LRMDA: variants seen among roughly 807,000 people sequenced by gnomAD.
LRMDA encodes the protein leucine-rich melanocyte differentiation-associated protein.
LRMDA carries 18 observed loss-of-function variants against 29.8 expected under a neutral mutation model. The observed-to-expected ratio is 0.60, with a 90% confidence interval of 0.42 to 0.90. The LOEUF is 0.90. Among genes scored for constraint, LRMDA ranks in the 40% least tolerant of loss-of-function variants. The pLI is 0.00. For missense variants in LRMDA, 273 were observed against 273.9 expected (o/e 1.00, Z 0.02); for synonymous variants, 125 against 109.4 (o/e 1.14, Z -0.89).
Position 75,528,462 on chromosome 10 carries a change from T to C in LRMDA, c.131+89968T>C, listed in dbSNP as rs1043226225. Among the ~76,000 whole-genome samples the C allele has an allele frequency of 3.3e-5, 5 of 152,238 alleles. 1 individual carries two copies. Among genetic ancestry groups the C allele is most frequent in the Admixed American group, 3.3e-4 (5 of 15,288 alleles). ...GGATTTTGGGACATTCTTCACCCAATGCTCTTTGCCTCCTTGGCTGTTACG... is the reference window on the plus strand; with the variant it reads ...GGATTTTGGGACATTCTTCACCCAACGCTCTTTGCCTCCTTGGCTGTTACG... On this transcript the variant is annotated intron_variant, in intron 2 of 6. Coordinates refer to ENST00000611255, the MANE Select transcript of LRMDA (RefSeq NM_001305581.2).
At chr10:75,595,998 G>A (rs564678448) in intron 2 of LRMDA, among the ~76,000 whole-genome samples, 1 of 152,222 alleles carries the variant, frequency 6.6e-6, no homozygotes, top group African/African-American at 2.4e-5. Flanking sequence ...ATGATGATCT[G>A]CTTTTTTTCG....
intron 6 of LRMDA, among the ~76,000 whole-genome samples, chr10:76,457,191 C>T (rs1417395837): frequency 3.9e-5 from 6 of 152,172 alleles, no homozygotes; most frequent in East Asian, 3.8e-4. Context: ...TTCAACTTTT[C>T]GAAGTTTAAT....
chr10:76,555,467 A>C (rs1174079434), intron 6 of LRMDA, among the ~76,000 whole-genome samples: 1 of 152,136 alleles, frequency 6.6e-6, no homozygotes, highest in Non-Finnish European at 1.5e-5. Context: ...AAAACTAATG[A>C]GAGTGAGCCC....
At chr10:76,301,538 G>A (rs1840480147) in intron 5 of LRMDA, among the ~76,000 whole-genome samples, 1 of 152,126 alleles carries the variant, frequency 6.6e-6, no homozygotes, top group African/African-American at 2.4e-5. Flanking sequence ...AGGAAAAATT[G>A]CCAAAGTATA....
chr10:76,246,125 C>T (rs1351818270), intron 5 of LRMDA, among the ~76,000 whole-genome samples: 1 of 152,158 alleles, frequency 6.6e-6, no homozygotes, highest in East Asian at 1.9e-4. Context: ...GGGCTTCCAG[C>T]AGTGAGCCAG....
At chr10:76,544,659 C>T (rs774907133) in intron 6 of LRMDA, among the ~76,000 whole-genome samples, 4 of 151,922 alleles carry the variant, frequency 2.6e-5, no homozygotes, top group East Asian at 1.9e-4. Context: ...CCTTAACCTA[C>T]AGTTTCTTGC....
rs376526267 is a variant in LRMDA, at chr10:75,833,952, C to T, written c.132-202056C>T. Among the ~76,000 whole-genome samples the T allele has an allele frequency of 3.3e-5, 5 of 152,124 alleles. No individual in the cohort carries two copies. The East Asian group carries it at 5.8e-4, about 18-fold the overall frequency. On this transcript the variant is annotated intron_variant, in intron 2 of 6. Coordinates refer to ENST00000611255, the MANE Select transcript of LRMDA (RefSeq NM_001305581.2). ...AGGACCCGGGAATAATTCTGTGTGG[C>T]TTGAGGACCTGCGCTCTGGATTTGA...
chr10:75,653,319 T>C lies in LRMDA; in HGVS notation c.131+214825T>C, dbSNP rs185516999. On this transcript the variant is annotated intron_variant, in intron 2 of 6. Coordinates refer to ENST00000611255, the MANE Select transcript of LRMDA (RefSeq NM_001305581.2). ...CTTTGCCTTGTTAGTTCTCATATAATGTGCTGCAGAAACTGCTAATTGTCA... is the reference window on the plus strand; with the variant it reads ...CTTTGCCTTGTTAGTTCTCATATAACGTGCTGCAGAAACTGCTAATTGTCA... Among the ~76,000 whole-genome samples, 395 of 152,254 alleles carry C rather than the reference T, an allele frequency of 2.6e-3. 1 individual carries two copies. Among genetic ancestry groups the C allele is most frequent in the Non-Finnish European group, 3.6e-3 (248 of 68,032 alleles).
At chr10:75,528,006 G>A (rs939603721) in intron 2 of LRMDA, among the ~76,000 whole-genome samples, 6 of 151,840 alleles carry the variant, frequency 4.0e-5, no homozygotes, top group African/African-American at 1.5e-4. Flanking sequence ...GGCTGGTCTT[G>A]AACTCCTGAG....
At chr10:75,754,801 C>G (rs994776598) in intron 2 of LRMDA, among the ~76,000 whole-genome samples, 1 of 152,130 alleles carries the variant, frequency 6.6e-6, no homozygotes, top group African/African-American at 2.4e-5. Context: ...CTCTTTCTCT[C>G]TCGGTCACTG....
At chr10:75,832,746 A>G (rs577463175) in intron 2 of LRMDA, among the ~76,000 whole-genome samples, 1 of 152,374 alleles carries the variant, frequency 6.6e-6, no homozygotes, top group African/African-American at 2.4e-5. Flanking sequence ...GCAGAAGGCA[A>G]GGAGGAGCAA....
intron 6 of LRMDA, among the ~76,000 whole-genome samples, chr10:76,444,048 G>A (rs1842329703): frequency 6.6e-6 from 1 of 152,124 alleles, no homozygotes; most frequent in Non-Finnish European, 1.5e-5. Flanking sequence ...GAATGGATAG[G>A]TCTTCACTTC....
At chr10:76,090,877 A>G (rs1227102451) in intron 5 of LRMDA, among the ~76,000 whole-genome samples, 1 of 152,202 alleles carries the variant, frequency 6.6e-6, no homozygotes, top group Non-Finnish European at 1.5e-5. Flanking sequence ...TTTCACATGT[A>G]CAGAGTTTTG....
intron 5 of LRMDA, among the ~76,000 whole-genome samples, chr10:76,202,596 T>C (rs11001685): frequency 0.31 from 47,657 of 151,834 alleles, 9,347 homozygotes; most frequent in East Asian, 0.6. Flanking sequence ...CTCTTTTGTG[T>C]CCAGAGAAAG....
intron 2 of LRMDA, among the ~76,000 whole-genome samples, chr10:75,908,649 CATCG>C (rs1169134130): frequency 6.6e-6 from 1 of 152,172 alleles, no homozygotes; most frequent in Non-Finnish European, 1.5e-5. Context: ...GCTAGCTCTC[CATCG>C]ATGTCATCCT....
intron 2 of LRMDA, among the ~76,000 whole-genome samples, chr10:75,536,767 C>T (rs115940260): frequency 0.027 from 4,074 of 152,060 alleles, 177 homozygotes; most frequent in African/African-American, 0.093. Context: ...GCTATGCTGA[C>T]CAGGCTGGTC....
chr10:75,972,275 G>T (rs1846987565), intron 2 of LRMDA, among the ~76,000 whole-genome samples: 1 of 151,514 alleles, frequency 6.6e-6, no homozygotes, highest in Non-Finnish European at 1.5e-5. Context: ...TTGGAGTTTG[G>T]GATTTTTTTT....
intron 2 of LRMDA, among the ~76,000 whole-genome samples, chr10:75,458,186 A>G (rs1844542846): frequency 6.6e-6 from 1 of 152,244 alleles, no homozygotes; most frequent in South Asian, 2.1e-4. Flanking sequence ...TTGTTCCTGT[A>G]GAAGATATAC....
chr10:76,063,660 T>C (rs1257678615), intron 5 of LRMDA, among the ~76,000 whole-genome samples: 2 of 152,092 alleles, frequency 1.3e-5, no homozygotes, highest in Admixed American at 6.6e-5. Flanking sequence ...TTGGAGTACA[T>C]GCATTTCCAA....
Sources: allele counts gnomAD v4.1 joint callset (sites outside exome capture counted in the v4.1 genomes callset), GRCh38; gene constraint gnomAD v4.1.1; transcripts MANE v1.5; gene names NCBI Gene and HGNC (gene_info 2026-07-23, HGNC 2026-07-21).